The following RALB variants were observed in gnomAD, a reference collection of about 807,000 sequenced individuals.
The protein encoded by RALB is RAS like proto-oncogene B.
Under a neutral mutation model 21.3 loss-of-function variants are expected in RALB, and 16 were observed. That is an observed-to-expected ratio of 0.75 (90% CI 0.51 to 1.14). The LOEUF (loss-of-function observed/expected upper bound fraction) is 1.14. Among genes scored for constraint, RALB ranks in the 50% most tolerant of loss-of-function variants. The pLI, the probability that RALB is intolerant of heterozygous loss-of-function variation, is 0.00. For missense variants in RALB, 161 were observed against 256.2 expected (o/e 0.63, Z 2.54); for synonymous variants, 93 against 96.1 (o/e 0.97, Z 0.19).
chr2:120,263,592 C>G (rs1689424802), intron 1 of RALB, among the ~76,000 whole-genome samples: 1 of 152,192 alleles, frequency 6.6e-6, no homozygotes, highest in Non-Finnish European at 1.5e-5. Context: ...CGAAGTCTCG[C>G]TCTGTCACCC....
chr2:120,269,130 C>T lies in RALB; in HGVS notation c.-47-9488C>T, dbSNP rs117258217. On this transcript the variant is annotated intron_variant, in intron 1 of 4. Coordinates refer to ENST00000272519, the MANE Select transcript of RALB (RefSeq NM_002881.3). ...TGGTTGTAATTTGGTTTGTTCCTTC[C>T]GTGGGTTCATCGTCTTGCTGACTTA... 7.2e-4 allele frequency among the ~76,000 whole-genome samples: 110 copies of T among 152,208 alleles called. 1 individual carries two copies. The East Asian group carries it at 0.015, about 21-fold the overall frequency.
At chr2:120,272,393 C>T (rs1329429414) in intron 1 of RALB, among the ~76,000 whole-genome samples, 4 of 152,128 alleles carry the variant, frequency 2.6e-5, no homozygotes, top group Admixed American at 6.5e-5. Flanking sequence ...ACAAAGTATA[C>T]GGATACCTGC....
intron 3 of RALB, among the ~76,000 whole-genome samples, chr2:120,289,311 G>GCC (rs1485625203): frequency 1.6e-3 from 115 of 70,184 alleles, no homozygotes; most frequent in African/African-American, 7.8e-3. Context: ...CTCCTATCCA[G>GCC]ACACTTCTGT....
intron 1 of RALB, among the ~76,000 whole-genome samples, chr2:120,242,128 A>T (rs1274633052): frequency 6.6e-6 from 1 of 152,234 alleles, no homozygotes; most frequent in East Asian, 1.9e-4. Flanking sequence ...CCTTGAGGAC[A>T]TTATGCTAAG....
chr2:120,270,130 A>C (rs1040609097), intron 1 of RALB, among the ~76,000 whole-genome samples: 4 of 152,170 alleles, frequency 2.6e-5, no homozygotes, highest in African/African-American at 9.7e-5. Flanking sequence ...TAGGGATATT[A>C]CTTTGTTTTG....
At chr2:120,288,323 T>C (rs1359758096) in intron 3 of RALB, among the ~76,000 whole-genome samples, 1 of 151,020 alleles carries the variant, frequency 6.6e-6, no homozygotes, top group Non-Finnish European at 1.5e-5. Context: ...GCACTTAAAT[T>C]GACTACATGA....
At chr2:120,247,162 G>A (rs975394005) in intron 1 of RALB, among the ~76,000 whole-genome samples, 2 of 152,216 alleles carry the variant, frequency 1.3e-5, no homozygotes, top group Non-Finnish European at 2.9e-5. Flanking sequence ...GAAGAGGGAA[G>A]GGGGAGGACA....
chr2:120,293,033 C>A (rs1690343940), intron 4 of RALB, 108 bp from the exon 5 acceptor site: 1 of 1,160,590 alleles, frequency 8.6e-7, no homozygotes, highest in Non-Finnish European at 1.2e-6. Flanking sequence ...CAAATTATTT[C>A]ATTGAATCCT....
At chr2:120,269,270 CACTG>C (rs756371219) in intron 1 of RALB, among the ~76,000 whole-genome samples, 16 of 152,154 alleles carry the variant, frequency 1.1e-4, no homozygotes, top group Non-Finnish European at 1.9e-4. Flanking sequence ...TTCATGGTCT[CACTG>C]ACTTCAAGAA....
In RALB at chr2:120,277,880, A is replaced by T. The variant is rs111071161; in HGVS notation, c.-47-738A>T. 3.8e-5 allele frequency among the ~76,000 whole-genome samples: 5 copies of T among 131,532 alleles called. No homozygotes were observed. In the East Asian group the frequency reaches 6.4e-4, roughly 17 times the overall value. The allele number at this position is 131,532 out of a possible 152,430, so 86.3% of individuals were successfully genotyped here. The stretch of plus-strand genomic sequence containing the variant: ...GAGCATGTGTGAATGTGAGAACATG[A>T]GTGTGAAAATGAGTGTGAGCGTGTG... On this transcript the variant is annotated intron_variant, in intron 1 of 4. Transcript: ENST00000272519.
intron 1 of RALB, among the ~76,000 whole-genome samples, chr2:120,245,831 G>A (rs367609377): frequency 1.1e-3 from 166 of 152,280 alleles, no homozygotes; most frequent in African/African-American, 3.8e-3. Flanking sequence ...CCACTGTGGA[G>A]CCCACCCCAA....
At chr2:120,261,164 C>A (rs1689356715) in intron 1 of RALB, among the ~76,000 whole-genome samples, 1 of 152,098 alleles carries the variant, frequency 6.6e-6, no homozygotes, top group Admixed American at 6.5e-5. Flanking sequence ...ATATGGGGGT[C>A]AAAGGCACAC....
chr2:120,251,321 T>TCACA (rs1689050966), upstream of RALB, among the ~76,000 whole-genome samples: 2 of 152,330 alleles, frequency 1.3e-5, no homozygotes, highest in South Asian at 4.1e-4. Context: ...AGATTGGTGA[T>TCACA]CACACACTTG....
intron 1 of RALB, among the ~76,000 whole-genome samples, chr2:120,273,173 T>TA (rs34373332): frequency 0.69 from 105,082 of 151,922 alleles, 36,900 homozygotes; most frequent in Middle Eastern, 0.8. Context: ...TCAGTCTCCC[T>TA]AAAGGCTCAG....
chr2:120,267,741 G>T (rs1308673102), intron 1 of RALB, among the ~76,000 whole-genome samples: 6 of 152,078 alleles, frequency 3.9e-5, no homozygotes, highest in Non-Finnish European at 8.8e-5. Flanking sequence ...CCAAAAATTT[G>T]GACTTTTATG....
intron 1 of RALB, among the ~76,000 whole-genome samples, chr2:120,262,183 G>T (rs886712494): frequency 6.6e-6 from 1 of 152,182 alleles, no homozygotes; most frequent in South Asian, 2.1e-4. Flanking sequence ...TATTATGGCT[G>T]GAAAGGCCAG....
At chr2:120,263,599 A>T (rs973485683) in intron 1 of RALB, among the ~76,000 whole-genome samples, 7 of 144,562 alleles carry the variant, frequency 4.8e-5, no homozygotes, top group African/African-American at 1.8e-4. Context: ...TCGCTCTGTC[A>T]CCCAGGCTGG....
intron 1 of RALB, among the ~76,000 whole-genome samples, chr2:120,275,745 C>T (rs537644610): frequency 6.6e-6 from 1 of 152,186 alleles, no homozygotes; most frequent in South Asian, 2.1e-4. Flanking sequence ...TGAACACTCT[C>T]GTAAAGTGGC....
chr2:120,244,318 C>T (rs1406345510), intron 1 of RALB, among the ~76,000 whole-genome samples: 1 of 152,218 alleles, frequency 6.6e-6, no homozygotes, highest in Non-Finnish European at 1.5e-5. Context: ...CAGCCCGTCC[C>T]GGCTCTGCCG....
Sources: allele counts gnomAD v4.1 joint callset (sites outside exome capture counted in the v4.1 genomes callset), GRCh38; gene constraint gnomAD v4.1.1; transcripts MANE v1.5; gene names NCBI Gene and HGNC (gene_info 2026-07-23, HGNC 2026-07-21).